SPIDR: variants seen among roughly 807,000 people sequenced by gnomAD.
The protein encoded by SPIDR is DNA repair-scaffolding protein.
Under a neutral mutation model 104.6 loss-of-function variants are expected in SPIDR, and 93 were observed. The ratio of observed to expected loss-of-function variants is 0.89; its 90% confidence interval spans 0.75 to 1.06. The LOEUF (loss-of-function observed/expected upper bound fraction) is 1.06. Ranked by LOEUF, SPIDR falls within the 50% of genes least tolerant of loss-of-function variation. SPIDR has a pLI of 0.00. For missense variants in SPIDR, 1,154 were observed against 1,111.2 expected (o/e 1.04, Z -0.55); for synonymous variants, 431 against 416.9 (o/e 1.03, Z -0.41).
chr8:47,297,853 A>G (rs1298035145), intron 5 of SPIDR, among the ~76,000 whole-genome samples: 1 of 152,158 alleles, frequency 6.6e-6, no homozygotes, highest in African/African-American at 2.4e-5. Context: ...AATCCAGTCT[A>G]TCATTGTTGG....
intron 6 of SPIDR, among the ~76,000 whole-genome samples, chr8:47,406,714 A>C (rs1554667510): frequency 6.6e-6 from 1 of 152,194 alleles, no homozygotes. Flanking sequence ...CAGTTACACC[A>C]ATCATGGGCA....
chr8:47,297,845 T>C (rs947136737), intron 5 of SPIDR, among the ~76,000 whole-genome samples: 9 of 152,246 alleles, frequency 5.9e-5, no homozygotes, highest in South Asian at 4.1e-4. Flanking sequence ...ATTTTCTTAA[T>C]CCAGTCTATC....
At chr8:47,588,657 G>T (rs963421160) in intron 8 of SPIDR, among the ~76,000 whole-genome samples, 1 of 152,128 alleles carries the variant, frequency 6.6e-6, no homozygotes, top group African/African-American at 2.4e-5. Context: ...CATCTTAGGT[G>T]GCAAGCATCT....
chr8:47,322,926 C>T (rs889065767), intron 5 of SPIDR, among the ~76,000 whole-genome samples: 9 of 151,136 alleles, frequency 6.0e-5, no homozygotes, highest in Admixed American at 1.3e-4. Context: ...CATCATACGC[C>T]GGGGCCTGTT....
Position 47,712,712 on chromosome 8 carries a change from C to T in SPIDR, c.2028C>T (p.Thr676=), listed in dbSNP as rs1287153169. Residue 676 remains threonine (T), a synonymous_variant, in exon 15 of 20, where the codon ACC becomes ACT. Coordinates refer to ENST00000297423, the MANE Select transcript of SPIDR (RefSeq NM_001080394.4). The part of the protein sequence containing the change: ...LEQREIWLLV[T]DVTLQTKEER... ...AAAGGGAGATCTGGCTGCTAGTGAC[C>T]GATGTCACTCTGCAAACGAAGGAGG... The T allele has an allele frequency of 1.1e-5, 18 of 1,614,078 alleles. No homozygotes were observed. Among genetic ancestry groups the T allele is most frequent in the South Asian group, 2.2e-5 (2 of 91,084 alleles).
At chr8:47,573,602 A>C (rs753845336) in intron 8 of SPIDR, among the ~76,000 whole-genome samples, 3 of 152,222 alleles carry the variant, frequency 2.0e-5, no homozygotes, top group Non-Finnish European at 4.4e-5. Context: ...TTGGAGGAGA[A>C]GCAAAGTCTG....
intron 8 of SPIDR, among the ~76,000 whole-genome samples, chr8:47,475,300 C>T (rs561719269): frequency 5.3e-4 from 81 of 152,352 alleles, no homozygotes; most frequent in African/African-American, 1.9e-3. Flanking sequence ...AGGGCATGCC[C>T]TGCCGGGCCC....
In SPIDR at chr8:47,510,886, A is replaced by G. The variant is rs908470494; in HGVS notation, c.1097+70344A>G. 1.8e-5 allele frequency: 8 copies of G among 450,546 alleles called. No homozygotes were observed. The South Asian group carries it at 4.4e-4, about 24-fold the overall frequency. The allele number at this position is 450,546 out of a possible 1,614,324, so 27.9% of individuals were successfully genotyped here. On this transcript the variant is annotated intron_variant, in intron 8 of 19. Coordinates refer to ENST00000297423, the MANE Select transcript of SPIDR (RefSeq NM_001080394.4). ...ACAACTAAGGAGAAAACAAATGTTC[A>G]ACCAACACCTAAGAACCTAGAGCTG...
At chr8:47,506,555 A>G (rs2081511719) in intron 8 of SPIDR, among the ~76,000 whole-genome samples, 1 of 152,136 alleles carries the variant, frequency 6.6e-6, no homozygotes, top group Non-Finnish European at 1.5e-5. Context: ...AAACTGGGGA[A>G]ATGGAGAAAG....
At chr8:47,491,891 G>A (rs1380438142) in intron 8 of SPIDR, among the ~76,000 whole-genome samples, 1 of 152,106 alleles carries the variant, frequency 6.6e-6, no homozygotes, top group African/African-American at 2.4e-5. Flanking sequence ...TGAACCTTTT[G>A]TTTTTACAGT....
At chr8:47,262,497 T>A (rs1186695414) in intron 1 of SPIDR, among the ~76,000 whole-genome samples, 1 of 152,142 alleles carries the variant, frequency 6.6e-6, no homozygotes, top group Non-Finnish European at 1.5e-5. Flanking sequence ...AAGGCTGCAG[T>A]CAAATAAAGG....
At chr8:47,304,839 A>G (rs2154250592) in intron 5 of SPIDR, among the ~76,000 whole-genome samples, 1 of 152,364 alleles carries the variant, frequency 6.6e-6, no homozygotes, top group Admixed American at 6.5e-5. Context: ...TGGTTCCTGT[A>G]TTAGGATTAG....
chr8:47,397,922 T>A (rs1554659642), intron 6 of SPIDR, among the ~76,000 whole-genome samples: 3 of 152,080 alleles, frequency 2.0e-5, no homozygotes, highest in Non-Finnish European at 4.4e-5. Flanking sequence ...ATCAGCATCC[T>A]GGAGAAGAGG....
chr8:47,275,156 G>A (rs1333629402), intron 1 of SPIDR, among the ~76,000 whole-genome samples: 1 of 151,732 alleles, frequency 6.6e-6, no homozygotes, highest in Admixed American at 6.6e-5. Flanking sequence ...CTACTTGGGA[G>A]GCTGAGGCAG....
intron 10 of SPIDR, chr8:47,659,793 A>C: frequency 2.2e-6 from 2 of 897,792 alleles, no homozygotes; most frequent in Non-Finnish European, 2.7e-6. Context: ...GAAGCTTCGT[A>C]AGAGATTATA....
chr8:47,361,031 A>G (rs1160818043), intron 5 of SPIDR: 2 of 953,504 alleles, frequency 2.1e-6, no homozygotes, highest in African/African-American at 3.5e-5. Flanking sequence ...GATGCTGATA[A>G]AAGTGTAAAA....
chr8:47,551,927 T>C (rs1053124901), intron 8 of SPIDR, among the ~76,000 whole-genome samples: 5 of 152,346 alleles, frequency 3.3e-5, no homozygotes, highest in African/African-American at 1.2e-4. Context: ...AGTTTCCCTC[T>C]ACACACTGCT....
chr8:47,371,653 G>C (rs1166818421), intron 5 of SPIDR, among the ~76,000 whole-genome samples: 1 of 152,128 alleles, frequency 6.6e-6, no homozygotes, highest in Non-Finnish European at 1.5e-5. Context: ...AGGAATCTTG[G>C]GGGGAGACAC....
At chr8:47,606,387 G>A (rs1281246753) in intron 10 of SPIDR, among the ~76,000 whole-genome samples, 2 of 151,900 alleles carry the variant, frequency 1.3e-5, no homozygotes, top group African/African-American at 2.4e-5. Context: ...TTAGCTGGGC[G>A]TGGTGGTGGG....
Sources: allele counts gnomAD v4.1 joint callset (sites outside exome capture counted in the v4.1 genomes callset), GRCh38; gene constraint gnomAD v4.1.1; transcripts MANE v1.5; gene names NCBI Gene and HGNC (gene_info 2026-07-23, HGNC 2026-07-21).